The following CES1 variants were observed in gnomAD, a reference collection of about 807,000 sequenced individuals.
CES1 encodes liver carboxylesterase 1.
In CES1, 50 loss-of-function variants were observed where a neutral mutation model predicts 53.0. That is an observed-to-expected ratio of 0.94 (90% CI 0.75 to 1.19). CES1 has a LOEUF of 1.19. CES1 is among the 50% of genes most tolerant of loss of function. CES1 has a pLI of 0.00. For synonymous variants in CES1, 202 were observed against 210.1 expected, an observed-to-expected ratio of 0.96 and a Z score of 0.33; for missense variants, 534 against 538.0, an observed-to-expected ratio of 0.99 and a Z score of 0.07.
chr16:55,811,811 C>G (rs1465907018), intron 9 of CES1, among the ~76,000 whole-genome samples: 2 of 152,210 alleles, frequency 1.3e-5, no homozygotes, highest in East Asian at 3.8e-4. Flanking sequence ...GACCTGAGAG[C>G]CTTCTCTTTG....
chr16:55,810,550 C>T lies in CES1; in HGVS notation c.1285G>A (p.Val429Ile), dbSNP rs749963146. ...TTCCGGGCCACAATCACAGATGGGA[C>T]ACCAAACATCACATCTGCTATCAAG... is the stretch of plus-strand genomic sequence containing the variant. ...LDLIADVMFG[V>I]PSVIVARNHR... Residue 429 changes from valine to isoleucine, a missense_variant, in exon 11 of 14, where the codon GTC becomes ATC. Val to Ile is a conservative substitution (Grantham distance 29). This residue lies in a region of CES1 where 269 missense variants were observed against 206.6 expected (regional missense o/e 1.30). Coordinates refer to ENST00000360526, the MANE Select transcript of CES1 (RefSeq NM_001025195.2). The T allele has an allele frequency of 1.2e-6, 2 of 1,614,188 alleles. No homozygotes were observed. Among genetic ancestry groups the T allele is most frequent in the Non-Finnish European group, 8.5e-7 (1 of 1,180,028 alleles).
rs139293704 is a variant in CES1 at position 55,830,803 on chromosome 16, A to G, written c.53-1829T>C. 6.1e-3 allele frequency among the ~76,000 whole-genome samples: 884 copies of G among 145,480 alleles called. 12 individuals carry two copies. Among genetic ancestry groups the G allele is most frequent in the African/African-American group, 0.022 (848 of 38,216 alleles). Reference sequence around the variant, plus strand: ...GAAGGAAGGAAGGAAGGAAGGAAGGAAGGAAGGAAGGAAGGAAGGCAGGCA... The same window carrying G: ...GAAGGAAGGAAGGAAGGAAGGAAGGGAGGAAGGAAGGAAGGAAGGCAGGCA... On this transcript the variant is annotated intron_variant, in intron 1 of 13. Transcript: ENST00000360526.
intron 8 of CES1, 85 bp downstream of exon 8, chr16:55,816,839 A>T: frequency 6.9e-7 from 1 of 1,453,122 alleles, no homozygotes; most frequent in East Asian, 2.2e-5. Context: ...TAATTACCCA[A>T]GAGATGATTC....
chr16:55,821,248 G>T, intron 5 of CES1, 120 bp downstream of exon 5: 7 of 1,339,258 alleles, frequency 5.2e-6, no homozygotes, highest in South Asian at 3.6e-5. Context: ...TGTGAGTAGG[G>T]CCAGTCCTGA....
At chr16:55,817,907 C>T (rs1403317809) in intron 7 of CES1, among the ~76,000 whole-genome samples, 1 of 152,168 alleles carries the variant, frequency 6.6e-6, no homozygotes, top group Non-Finnish European at 1.5e-5. Flanking sequence ...TCAACTCTTC[C>T]CTTTTAAGCT....
intron 8 of CES1, among the ~76,000 whole-genome samples, chr16:55,813,907 G>A (rs541517990): frequency 3.1e-4 from 47 of 152,266 alleles, no homozygotes; most frequent in African/African-American, 8.9e-4. Context: ...TTGCCTCGCC[G>A]GATCTCAGAT....
At chr16:55,809,743 C>A (rs543117661) in intron 11 of CES1, among the ~76,000 whole-genome samples, 3 of 152,228 alleles carry the variant, frequency 2.0e-5, no homozygotes, top group Non-Finnish European at 4.4e-5. Flanking sequence ...TGGTCCTGGA[C>A]AATCCTCTGG....
chr16:55,830,815 AAGGAAGGCAGGCAGGC>A (rs1567509482), intron 1 of CES1, among the ~76,000 whole-genome samples: 4 of 123,664 alleles, frequency 3.2e-5, no homozygotes, highest in East Asian at 5.7e-4. Context: ...GGAAGGAAGG[AAGGAAGGCAGGCAGGC>A]AGGCAGGCAG....
chr16:55,815,158 T>A (rs1226160462), intron 8 of CES1, among the ~76,000 whole-genome samples: 2 of 152,180 alleles, frequency 1.3e-5, no homozygotes, highest in African/African-American at 2.4e-5. Context: ...AACCAAGAGT[T>A]CTTGGCTTGG....
chr16:55,813,191 G>T (rs1597070031), intron 8 of CES1, 148 bp from the exon 9 acceptor site: 1 of 1,107,418 alleles, frequency 9.0e-7, no homozygotes, highest in Non-Finnish European at 1.3e-6. Context: ...ACTTAGGGGG[G>T]TAGGTCTCCA....
intron 8 of CES1, among the ~76,000 whole-genome samples, chr16:55,815,977 G>T (rs2031925603): frequency 6.6e-6 from 1 of 152,398 alleles, no homozygotes; most frequent in African/African-American, 2.4e-5. Flanking sequence ...CAGCCAGACT[G>T]GCCCCTTCTG....
Position 55,814,356 on chromosome 16 carries a change from A to G in CES1, c.946-1313T>C, listed in dbSNP as rs532636245. Among the ~76,000 whole-genome samples, 150 of 152,332 alleles carry G rather than the reference A, an allele frequency of 9.8e-4. No individual in the cohort carries two copies. The South Asian group carries it at 0.014, about 14-fold the overall frequency. ...CTGGTTCTGGGTACAGTTATATTTC[A>G]TATTTAGTCACAATGGTGTAGTTGC... On this transcript the variant is annotated intron_variant, in intron 8 of 13. Transcript: ENST00000360526.
At chr16:55,811,072 T>A in intron 9 of CES1, 62 bp from the exon 10 acceptor site, 1 of 1,385,922 alleles carries the variant, frequency 7.2e-7, no homozygotes, top group African/African-American at 1.4e-5. Context: ...AGAAACAAAC[T>A]GACCAACCAA....
Position 55,825,741 on chromosome 16 carries a change from C to T in CES1, c.405+410G>A, listed in dbSNP as rs770787138. Among the ~76,000 whole-genome samples, 124 of 152,352 alleles carry T rather than the reference C, an allele frequency of 8.1e-4. 1 individual carries two copies. The highest frequency in any genetic ancestry group is 1.2e-3 in the Non-Finnish European group (84 of 68,040). The stretch of plus-strand genomic sequence containing the variant: ...TACCCTACTGGGTGACCTCCCCTTC[C>T]CTGTCTGGGCCTCAGTTTCTCTATT... On this transcript the variant is annotated intron_variant, in intron 3 of 13. Transcript: ENST00000360526.
rs1555514151 is a variant in CES1, at chr16:55,830,803, A to AAGGAAGGG, written c.53-1830_53-1829insCCCTTCCT. Among the ~76,000 whole-genome samples, 27 of 145,394 alleles carry AAGGAAGGG rather than the reference A, an allele frequency of 1.9e-4. 1 individual carries two copies. The highest frequency in any genetic ancestry group is 6.6e-4 in the African/African-American group (25 of 38,120). ...GAAGGAAGGAAGGAAGGAAGGAAGG[A>AAGGAAGGG]AGGAAGGAAGGAAGGAAGGCAGGCA... On this transcript the variant is annotated intron_variant, in intron 1 of 13. Transcript: ENST00000360526.
chr16:55,827,447 A>G (rs1597089699), intron 2 of CES1, among the ~76,000 whole-genome samples: 1 of 152,244 alleles, frequency 6.6e-6, no homozygotes, highest in East Asian at 1.9e-4. Flanking sequence ...AATCCCAAGC[A>G]TTGCCAAGAG....
At chr16:55,814,717 T>C (rs1482105257) in intron 8 of CES1, among the ~76,000 whole-genome samples, 1 of 152,264 alleles carries the variant, frequency 6.6e-6, no homozygotes, top group Admixed American at 6.5e-5. Flanking sequence ...CAGATGGAAC[T>C]GGACAATTCC....
At chr16:55,819,482 A>C in intron 7 of CES1, 53 bp downstream of exon 7, 1 of 1,327,056 alleles carries the variant, frequency 7.5e-7, no homozygotes, top group South Asian at 1.2e-5. Context: ...GCTGAAATGA[A>C]GAAGTCTGGG....
In CES1 at chr16:55,813,012, C is replaced by G. The variant is rs2031770573; in HGVS notation, c.977G>C (p.Gly326Ala). 3 of 1,613,902 alleles carry G rather than the reference C, an allele frequency of 1.9e-6. No homozygotes were observed. Among genetic ancestry groups the G allele is most frequent in the Admixed American group, 1.7e-5 (1 of 60,000 alleles). The change falls in exon 9 of 14, where the codon GGG (glycine) becomes GCG (alanine). Residue 326 changes from glycine to alanine, a missense_variant. This residue lies in a region of CES1 where 269 missense variants were observed against 206.6 expected (regional missense o/e 1.30). Transcript: ENST00000360526. ...SQPLLGTVID[G>A]MLLLKTPEEL... ...TTCAGGTGTTTTCAGCAGCAGCATC[C>G]CATCAATCACAGTGCCCAGAAGGGG... is the stretch of plus-strand genomic sequence containing the variant.
Sources: gnomAD v4.1 joint callset for allele counts (sites outside exome capture counted in the v4.1 genomes callset) on GRCh38, gnomAD v4.1.1 for gene constraint, gnomAD v4.1.1 regional missense constraint, MANE v1.5 for transcripts, NCBI Gene and HGNC (gene_info 2026-07-23, HGNC 2026-07-21) for gene names.